Variants in LIN52 observed in about 807,000 individuals in gnomAD.
LIN52 encodes the protein lin-52 DREAM MuvB core complex component.
A neutral mutation model predicts 18.5 loss-of-function variants in LIN52; 4 were observed. The observed-to-expected ratio is 0.22, with a 90% CI of 0.11 to 0.49. The LOEUF is 0.49. Ranked by LOEUF, LIN52 falls within the 20% of genes least tolerant of loss-of-function variation. The pLI, the probability that LIN52 is intolerant of heterozygous loss-of-function variation, is 0.97. For missense variants in LIN52, 102 were observed against 139.5 expected, an observed-to-expected ratio of 0.73 and a Z score of 1.35; for synonymous variants, 34 against 45.5, an observed-to-expected ratio of 0.75 and a Z score of 1.02.
intron 5 of LIN52, among the ~76,000 whole-genome samples, chr14:74,111,136 G>T (rs1233415655): frequency 6.6e-6 from 1 of 152,170 alleles, no homozygotes; most frequent in African/African-American, 2.4e-5. Flanking sequence ...CTAGCCTGTG[G>T]TACTAGACTT....
intron 5 of LIN52, 117 bp downstream of exon 5, chr14:74,101,355 A>C: frequency 1.7e-6 from 1 of 587,624 alleles, no homozygotes; most frequent in Non-Finnish European, 2.8e-6. Flanking sequence ...TATATTAGGG[A>C]AAAGAGAAGC....
intron 5 of LIN52, among the ~76,000 whole-genome samples, chr14:74,137,599 A>G (rs1257386682): frequency 6.7e-6 from 1 of 148,628 alleles, no homozygotes; most frequent in Non-Finnish European, 1.5e-5. Flanking sequence ...CCTGGGTTCA[A>G]GTGATTCTTC....
chr14:74,120,611 C>T (rs898526603), intron 5 of LIN52, among the ~76,000 whole-genome samples: 12 of 152,000 alleles, frequency 7.9e-5, no homozygotes, highest in African/African-American at 1.4e-4. Flanking sequence ...AAAAATTAGC[C>T]GGGCTTGGTG....
Position 74,101,105 on chromosome 14 carries a change from C to T in LIN52, c.200-50C>T, listed in dbSNP as rs750822197. ...AGTTCCCAACCCAAGGAAGTTGCTA[C>T]TAGAGAAGAGTGGAAAGAAATGATG... On this transcript the variant is annotated intron_variant, in intron 4 of 5. Coordinates refer to ENST00000555028, the MANE Select transcript of LIN52 (RefSeq NM_001024674.3). 3 of 1,479,674 alleles carry T rather than the reference C, an allele frequency of 2.0e-6. No homozygotes were observed. The African/African-American group carries it at 4.2e-5, about 21-fold the overall frequency. 91.7% of individuals were successfully genotyped at this position (1,479,674 alleles called of 1,614,324 possible).
chr14:74,098,600 T>A (rs1366653427), intron 4 of LIN52, among the ~76,000 whole-genome samples: 3 of 149,040 alleles, frequency 2.0e-5, no homozygotes, highest in Non-Finnish European at 4.4e-5. Context: ...CAGGCTGGAG[T>A]GCAGTGGTGC....
chr14:74,149,810 G>C (rs528337203), intron 5 of LIN52, among the ~76,000 whole-genome samples: 1 of 152,278 alleles, frequency 6.6e-6, no homozygotes, highest in African/African-American at 2.4e-5. Flanking sequence ...ATTGGCTGTA[G>C]GCTACAGTGA....
intron 5 of LIN52, among the ~76,000 whole-genome samples, chr14:74,170,103 A>G (rs1421451374): frequency 6.6e-6 from 1 of 152,220 alleles, no homozygotes; most frequent in Non-Finnish European, 1.5e-5. Context: ...GTGAAGTCAC[A>G]TGGTGCATTT....
At chr14:74,187,668 C>G (rs1329960780) in intron 5 of LIN52, among the ~76,000 whole-genome samples, 1 of 152,098 alleles carries the variant, frequency 6.6e-6, no homozygotes, top group East Asian at 1.9e-4. Context: ...TTATTTATTT[C>G]ACAAATATTT....
At chr14:74,093,457 C>G (rs1202092899) in intron 2 of LIN52, among the ~76,000 whole-genome samples, 1 of 151,500 alleles carries the variant, frequency 6.6e-6, no homozygotes. Context: ...CCCCAAGTAG[C>G]TGGGATCACA....
intron 5 of LIN52, among the ~76,000 whole-genome samples, chr14:74,128,704 G>A (rs1042895274): frequency 1.3e-5 from 2 of 152,204 alleles, no homozygotes; most frequent in African/African-American, 4.8e-5. Context: ...CACTTTGGGA[G>A]GCTGAGACAG....
At chr14:74,186,295 A>AAAAC (rs148118500) in intron 5 of LIN52, among the ~76,000 whole-genome samples, 29 of 151,792 alleles carry the variant, frequency 1.9e-4, no homozygotes, top group African/African-American at 4.6e-4. Context: ...CTGTCTCAAA[A>AAAAC]AAACAAACAA....
chr14:74,179,668 AAGAAAAAAAAG>A (rs1301938317), intron 5 of LIN52, among the ~76,000 whole-genome samples: 3 of 91,006 alleles, frequency 3.3e-5, no homozygotes, highest in South Asian at 2.6e-4. Context: ...AAAAAAAAAA[AAGAAAAAAAAG>A]AAAAAAAAAT....
chr14:74,096,350 G>A (rs752562517), intron 3 of LIN52, among the ~76,000 whole-genome samples: 3 of 151,916 alleles, frequency 2.0e-5, no homozygotes, highest in South Asian at 2.1e-4. Flanking sequence ...GTGAGCCACC[G>A]CGCCTGGCCT....
In LIN52 at chr14:74,114,540, ATGT is replaced by A. The variant is rs945443250; in HGVS notation, c.283+13304_283+13306del. ...TAAGCTGAAATTAGAGCTTACCATG[ATGT>A]TTTAGCCTAATTAATGACAGGGAAG... On this transcript the variant is annotated intron_variant, in intron 5 of 5. Coordinates refer to ENST00000555028, the MANE Select transcript of LIN52 (RefSeq NM_001024674.3). 4 of 555,136 alleles carry A rather than the reference ATGT, an allele frequency of 7.2e-6. No homozygotes were observed. In the African/African-American group the frequency reaches 8.1e-5, roughly 11 times the overall value. 34.4% of individuals were successfully genotyped at this position (555,136 alleles called of 1,614,324 possible).
intron 5 of LIN52, among the ~76,000 whole-genome samples, chr14:74,126,307 T>G (rs1297970628): frequency 6.6e-6 from 1 of 152,178 alleles, no homozygotes; most frequent in Non-Finnish European, 1.5e-5. Flanking sequence ...AATGGTATAC[T>G]CCCTGTGGGA....
At chr14:74,099,655 C>T (rs1468818070) in intron 4 of LIN52, among the ~76,000 whole-genome samples, 1 of 151,388 alleles carries the variant, frequency 6.6e-6, no homozygotes, top group Non-Finnish European at 1.5e-5. Flanking sequence ...TCAGTCTCCC[C>T]GAGAATTTGG....
At chr14:74,122,496 A>G (rs911762869) in intron 5 of LIN52, among the ~76,000 whole-genome samples, 2 of 152,172 alleles carry the variant, frequency 1.3e-5, no homozygotes, top group African/African-American at 4.8e-5. Flanking sequence ...ATATGTTAGG[A>G]TATTTTAGGC....
At chr14:74,198,830 A>G in intron 5 of LIN52, 92 bp from the exon 6 acceptor site, 1 of 967,434 alleles carries the variant, frequency 1.0e-6, no homozygotes, top group South Asian at 1.4e-5. Context: ...TATATAATTT[A>G]AATCAATCTG....
intron 4 of LIN52, among the ~76,000 whole-genome samples, chr14:74,100,879 G>A (rs2060849206): frequency 6.6e-6 from 1 of 152,206 alleles, no homozygotes; most frequent in African/African-American, 2.4e-5. Context: ...AAGTAGCTGG[G>A]ACTGAAGGCA....
Sources: allele counts gnomAD v4.1 joint callset (sites outside exome capture counted in the v4.1 genomes callset), GRCh38; gene constraint gnomAD v4.1.1; transcripts MANE v1.5; gene names NCBI Gene and HGNC (gene_info 2026-07-23, HGNC 2026-07-21).